The following ZC3H6 variants were observed in gnomAD, a reference collection of about 807,000 sequenced individuals.
ZC3H6 encodes the protein zinc finger CCCH-type containing 6, also known as zinc finger CCCH domain-containing protein 6.
A neutral mutation model predicts 107.7 loss-of-function variants in ZC3H6; 40 were observed. That is an observed-to-expected ratio of 0.37 (90% CI 0.29 to 0.48). ZC3H6 has a LOEUF of 0.48. Among genes scored for constraint, ZC3H6 ranks in the 20% least tolerant of loss-of-function variants. The pLI is 0.98. For missense variants in ZC3H6, 1,267 were observed against 1,410.4 expected, an observed-to-expected ratio of 0.90 and a Z score of 1.63; for synonymous variants, 493 against 487.9, an observed-to-expected ratio of 1.01 and a Z score of -0.14.
At chr2:112,276,644 A>G (rs1482842203) in intron 1 of ZC3H6, among the ~76,000 whole-genome samples, 1 of 152,132 alleles carries the variant, frequency 6.6e-6, no homozygotes, top group Non-Finnish European at 1.5e-5. Context: ...AACTCCATGG[A>G]TTATTCCGGC....
In ZC3H6 at chr2:112,331,029, G is replaced by T. The variant is rs781511843; in HGVS notation, c.2111G>T (p.Ser704Ile). ...EEDDTVNWYS[S>I]SEEEEGSSVK... Reference sequence around the variant, plus strand: ...GATGATACAGTTAACTGGTATTCCAGTAGTGAAGAGGAAGAAGGAAGCAGT... The same window carrying T: ...GATGATACAGTTAACTGGTATTCCATTAGTGAAGAGGAAGAAGGAAGCAGT... Residue 704 changes from serine (S) to isoleucine (I), a missense_variant, in exon 12 of 12, where the codon AGT becomes ATT. By Grantham distance (142) the Ser-to-Ile change is moderately radical. Transcript: ENST00000409871. The T allele has an allele frequency of 6.5e-7, 1 of 1,543,636 alleles. No homozygotes were observed. Among genetic ancestry groups the T allele is most frequent in the Non-Finnish European group, 8.7e-7 (1 of 1,147,052 alleles).
At chr2:112,276,111 T>G in intron 1 of ZC3H6, 85 bp downstream of exon 1, 1 of 1,274,968 alleles carries the variant, frequency 7.8e-7, no homozygotes, top group Non-Finnish European at 1.1e-6. Context: ...GGGCGCCTCC[T>G]GCATGACCTA....
chr2:112,326,864 C>T (rs1558957358), intron 11 of ZC3H6, among the ~76,000 whole-genome samples: 3 of 152,114 alleles, frequency 2.0e-5, no homozygotes, highest in Non-Finnish European at 4.4e-5. Flanking sequence ...CTGCCCGCCT[C>T]GGCCTCCCAA....
intron 2 of ZC3H6, 115 bp downstream of exon 2, chr2:112,300,144 C>A: frequency 1.5e-6 from 1 of 656,336 alleles, no homozygotes; most frequent in South Asian, 5.3e-5. Flanking sequence ...TAGATATTTT[C>A]ATTTATGTGA....
chr2:112,316,396 A>G, intron 5 of ZC3H6, 74 bp from the exon 6 acceptor site: 3 of 898,202 alleles, frequency 3.3e-6, no homozygotes, highest in Middle Eastern at 2.4e-4. Context: ...TTTTTTCCAG[A>G]TCAACTTAAT....
chr2:112,278,856 A>C (rs1355859840), intron 1 of ZC3H6, among the ~76,000 whole-genome samples: 5 of 152,174 alleles, frequency 3.3e-5, no homozygotes, highest in Non-Finnish European at 7.4e-5. Flanking sequence ...CCTGGGCTCC[A>C]GCCATCCTCC....
chr2:112,330,538 A>G (rs545470980), intron 11 of ZC3H6, among the ~76,000 whole-genome samples: 7 of 152,304 alleles, frequency 4.6e-5, no homozygotes, highest in African/African-American at 1.4e-4. Context: ...TAACTTGATA[A>G]ATTCAGAGCT....
rs142849799 is a variant in ZC3H6, at chr2:112,282,659, C to T, written c.32+6633C>T. Among the ~76,000 whole-genome samples, 67 of 152,228 alleles carry T rather than the reference C, an allele frequency of 4.4e-4. No homozygotes were observed. In the East Asian group the frequency reaches 8.1e-3, roughly 18 times the overall value. ...CATATACATTCCCATCACAAGAGAA[C>T]GCCAGTTTATTCAAGTAAAATAAGG... On this transcript the variant is annotated intron_variant, in intron 1 of 11. Coordinates refer to ENST00000409871, the MANE Select transcript of ZC3H6 (RefSeq NM_198581.3).
At chr2:112,288,824 T>G (rs1232759747) in intron 1 of ZC3H6, among the ~76,000 whole-genome samples, 2 of 152,166 alleles carry the variant, frequency 1.3e-5, no homozygotes, top group Non-Finnish European at 2.9e-5. Flanking sequence ...GGTTTTTGTT[T>G]TGGTTTGCAT....
chr2:112,278,319 ATTTAT>A (rs1290675611), intron 1 of ZC3H6, among the ~76,000 whole-genome samples: 2 of 152,122 alleles, frequency 1.3e-5, no homozygotes, highest in African/African-American at 4.8e-5. Context: ...ATTTTATTTT[ATTTAT>A]TTTATTTTTT....
Position 112,324,997 on chromosome 2 carries a change from A to G in ZC3H6, c.1886A>G (p.Gln629Arg). 8 of 1,610,946 alleles carry G rather than the reference A, an allele frequency of 5.0e-6. No homozygotes were observed. Among genetic ancestry groups the G allele is most frequent in the Non-Finnish European group, 6.8e-6 (8 of 1,178,426 alleles). The change falls in exon 11 of 12, where the codon CAG becomes CGG. Residue 629 changes from glutamine (Q) to arginine (R), a missense_variant. This residue lies in a region of ZC3H6 where 925 missense variants were observed against 1,025.7 expected (regional missense o/e 0.90). Transcript: ENST00000409871. ...GMWHGEFAQQ[Q>R]PPVVQDSPNH... ...TGGCATGGTGAATTTGCCCAGCAGCAGCCTCCTGTTGTTCAAGACTCACCT... is the reference window on the plus strand; with the variant it reads ...TGGCATGGTGAATTTGCCCAGCAGCGGCCTCCTGTTGTTCAAGACTCACCT...
Position 112,325,177 on chromosome 2 carries a change from G to A in ZC3H6, c.2066G>A (p.Arg689Lys). 5.0e-6 allele frequency: 8 copies of A among 1,613,994 alleles called. No homozygotes were observed. In the East Asian group the frequency reaches 1.8e-4, roughly 36 times the overall value. The change falls in exon 11 of 12, where the codon AGG becomes AAG. Residue 689 changes from arginine to lysine, a missense_variant. Physicochemically the swap from Arg to Lys is conservative, Grantham distance 26. Transcript: ENST00000409871. ...GAACAAACCAGCACCCAACCTCATA[G>A]GGCACCAAGCAAGGAAGAAGGTGTG... ...DEEQTSTQPHRAPSKEEDDTV... is the reference protein window; with the variant it reads ...DEEQTSTQPHKAPSKEEDDTV...
intron 11 of ZC3H6, among the ~76,000 whole-genome samples, chr2:112,326,683 G>T (rs1170930639): frequency 6.6e-6 from 1 of 152,082 alleles, no homozygotes; most frequent in Non-Finnish European, 1.5e-5. Context: ...CACGATCTCG[G>T]CTCACTGCAA....
intron 11 of ZC3H6, among the ~76,000 whole-genome samples, chr2:112,328,438 T>C (rs1236343295): frequency 6.6e-6 from 1 of 152,212 alleles, no homozygotes; most frequent in Non-Finnish European, 1.5e-5. Flanking sequence ...ATGGACATTT[T>C]AACAATATTG....
intron 7 of ZC3H6, 143 bp from the exon 8 acceptor site, chr2:112,321,612 CA>C (rs1676803631): frequency 6.9e-6 from 3 of 436,352 alleles, no homozygotes; most frequent in African/African-American, 2.1e-5. Flanking sequence ...TTTAAGTATA[CA>C]ATACAGTATT....
chr2:112,312,049 A>G lies in ZC3H6; in HGVS notation c.747+112A>G, dbSNP rs552295032. ...ATACTTCTCTAGTAAATGAAAAATT[A>G]CCAGCTCAGATAAAATGAGTATCAA... On this transcript the variant is annotated intron_variant, in intron 5 of 11. Transcript: ENST00000409871. 163 of 1,106,898 alleles carry G rather than the reference A, an allele frequency of 1.5e-4. 1 individual carries two copies. In the African/African-American group the frequency reaches 2.4e-3, roughly 17 times the overall value. The allele number at this position is 1,106,898 out of a possible 1,614,324, so 68.6% of individuals were successfully genotyped here.
Position 112,331,695 on chromosome 2 carries a change from T to A in ZC3H6, c.2777T>A (p.Val926Glu). 1 of 1,613,890 alleles carries A rather than the reference T, an allele frequency of 6.2e-7. No individual in the cohort carries two copies. The highest frequency in any genetic ancestry group is 8.5e-7 in the Non-Finnish European group (1 of 1,179,870). ...NTKSDLHQNTVSIDPKLAAKA... is the reference protein window; with the variant it reads ...NTKSDLHQNTESIDPKLAAKA... ...AAAAGTGATCTTCATCAAAATACAG[T>A]GTCCATTGATCCAAAATTAGCAGCC... The change falls in exon 12 of 12, where the codon GTG becomes GAG. Residue 926 changes from valine (V) to glutamate (E), a missense_variant. Transcript: ENST00000409871.
chr2:112,324,940 TC>T, intron 10 of ZC3H6, 23 bp from the exon 11 acceptor site: 2 of 1,568,658 alleles, frequency 1.3e-6, no homozygotes, highest in Non-Finnish European at 1.7e-6. Context: ...TCAATGACTG[TC>T]TCTCCCCATG....
Position 112,289,049 on chromosome 2 carries a change from T to C in ZC3H6, c.33-10800T>C, listed in dbSNP as rs1676030357. ...ATGAGCTGAACTGAACCACTCTTTTTTTTCTTTTTTTTCTTTTTTTTTTTT... is the reference window on the plus strand; with the variant it reads ...ATGAGCTGAACTGAACCACTCTTTTCTTTCTTTTTTTTCTTTTTTTTTTTT... On this transcript the variant is annotated intron_variant, in intron 1 of 11. Coordinates refer to ENST00000409871, the MANE Select transcript of ZC3H6 (RefSeq NM_198581.3). 4.5e-5 allele frequency among the ~76,000 whole-genome samples: 3 copies of C among 65,964 alleles called. No homozygotes were observed. In the South Asian group the frequency reaches 1.6e-3, roughly 35 times the overall value. The allele number at this position is 65,964 out of a possible 152,430, so 43.3% of individuals were successfully genotyped here. A position where few individuals can be genotyped will look rare whatever the true frequency, so the allele number is the denominator to read the frequency against.
Sources: gnomAD v4.1 joint callset for allele counts (sites outside exome capture counted in the v4.1 genomes callset) on GRCh38, gnomAD v4.1.1 for gene constraint, gnomAD v4.1.1 regional missense constraint, MANE v1.5 for transcripts, NCBI Gene and HGNC (gene_info 2026-07-23, HGNC 2026-07-21) for gene names.